Variants in CFAP54 observed in about 807,000 individuals in gnomAD.
The protein encoded by CFAP54 is cilia and flagella associated protein 54, also known as cilia- and flagella-associated protein 54.
Under a neutral mutation model 370.4 loss-of-function variants are expected in CFAP54, and 290 were observed. That is an observed-to-expected ratio of 0.78 (90% CI 0.71 to 0.86). The LOEUF (loss-of-function observed/expected upper bound fraction) is 0.86. Ranked by LOEUF, CFAP54 falls within the 40% of genes least tolerant of loss-of-function variation. The pLI, the probability that CFAP54 is intolerant of heterozygous loss-of-function variation, is 0.00. For synonymous variants in CFAP54, 1,206 were observed against 1,236.5 expected (o/e 0.98, Z 0.52); for missense variants, 3,399 against 3,528.7 (o/e 0.96, Z 0.93).
Position 96,753,825 on chromosome 12 carries a change from T to C in CFAP54, c.7767T>C (p.Asp2589=), listed in dbSNP as rs1186776485. The C allele has an allele frequency of 2.5e-6, 4 of 1,614,066 alleles. No individual in the cohort carries two copies. The East Asian group carries it at 6.7e-5, about 27-fold the overall frequency. ...GGTTACCTGCTCTTCATCTGTTTGATGTGGCACTGAAGCTCTGTAGAACAA... is the reference window on the plus strand; with the variant it reads ...GGTTACCTGCTCTTCATCTGTTTGACGTGGCACTGAAGCTCTGTAGAACAA... ...SKWLPALHLF[D]VALKLCRTTA... The change falls in exon 56 of 68, where the codon GAT becomes GAC. Residue 2589 remains aspartate, a synonymous_variant. Coordinates refer to ENST00000524981, the MANE Select transcript of CFAP54 (RefSeq NM_001306084.2).
rs545447403 is a variant in CFAP54 at position 96,689,242 on chromosome 12, C to T, written c.6081+260C>T. ...GTGGTGTGATCTCAGCTCACTGTGA[C>T]CTCTGCCTCCCGGGTTCAAGCAATT... On this transcript the variant is annotated intron_variant, in intron 43 of 67. Coordinates refer to ENST00000524981, the MANE Select transcript of CFAP54 (RefSeq NM_001306084.2). Among the ~76,000 whole-genome samples, 85 of 152,030 alleles carry T rather than the reference C, an allele frequency of 5.6e-4. 1 individual carries two copies. The highest frequency in any genetic ancestry group is 1.9e-3 in the South Asian group (9 of 4,802).
intron 60 of CFAP54, among the ~76,000 whole-genome samples, chr12:96,768,202 T>C (rs1490082284): frequency 6.6e-6 from 1 of 151,838 alleles, no homozygotes; most frequent in Non-Finnish European, 1.5e-5. Context: ...ACACCTGTAG[T>C]CCCAACTACT....
At chr12:96,730,015 C>T (rs1957902194) in intron 50 of CFAP54, among the ~76,000 whole-genome samples, 1 of 152,062 alleles carries the variant, frequency 6.6e-6, no homozygotes, top group Non-Finnish European at 1.5e-5. Context: ...GAGTAGGAGC[C>T]CGGTCCAGTC....
intron 66 of CFAP54, among the ~76,000 whole-genome samples, chr12:96,853,137 G>T (rs1959597938): frequency 1.3e-5 from 2 of 152,046 alleles, no homozygotes; most frequent in Non-Finnish European, 1.5e-5. Context: ...TGCATCAAAA[G>T]ATATTTTTAT....
At chr12:96,543,554 C>A (rs1370670124) in intron 14 of CFAP54, among the ~76,000 whole-genome samples, 2 of 152,142 alleles carry the variant, frequency 1.3e-5, no homozygotes, top group African/African-American at 4.8e-5. Flanking sequence ...AAGAACTTAA[C>A]CTCACACCTG....
At chr12:96,727,007 G>T (rs1413661852) in intron 50 of CFAP54, among the ~76,000 whole-genome samples, 1 of 152,184 alleles carries the variant, frequency 6.6e-6, no homozygotes, top group Non-Finnish European at 1.5e-5. Flanking sequence ...TCTTAATCCT[G>T]AGTTCTAGTT....
intron 58 of CFAP54, among the ~76,000 whole-genome samples, chr12:96,759,997 A>G (rs1460715466): frequency 6.6e-6 from 1 of 152,216 alleles, no homozygotes; most frequent in Non-Finnish European, 1.5e-5. Context: ...CATGAACTGA[A>G]CACTTACTGA....
chr12:96,752,913 T>G (rs1958205245), intron 55 of CFAP54, among the ~76,000 whole-genome samples: 3 of 152,206 alleles, frequency 2.0e-5, no homozygotes, highest in Admixed American at 6.5e-5. Context: ...TTGGGTGAGT[T>G]GCTGAAACCT....
intron 26 of CFAP54, among the ~76,000 whole-genome samples, chr12:96,607,635 G>A (rs2136451199): frequency 6.6e-6 from 1 of 152,208 alleles, no homozygotes; most frequent in East Asian, 1.9e-4. Context: ...AAATGCAGAA[G>A]GAATAGGCTT....
chr12:96,491,374 T>C (rs1256184715), intron 1 of CFAP54, among the ~76,000 whole-genome samples: 2 of 152,208 alleles, frequency 1.3e-5, no homozygotes, highest in Non-Finnish European at 2.9e-5. Flanking sequence ...TGATTCAGCA[T>C]CCAGGTGGAG....
intron 66 of CFAP54, among the ~76,000 whole-genome samples, chr12:96,833,675 A>C (rs540446351): frequency 6.6e-6 from 1 of 152,126 alleles, no homozygotes; most frequent in African/African-American, 2.4e-5. Flanking sequence ...ATTGCAAAGC[A>C]GTTTTTCTTG....
intron 39 of CFAP54, among the ~76,000 whole-genome samples, chr12:96,671,928 AAG>A (rs376205736): frequency 5.2e-4 from 78 of 149,654 alleles, no homozygotes; most frequent in Non-Finnish European, 5.2e-4. Context: ...TATCTCAAAA[AAG>A]AGAGAGAGAG....
At chr12:96,808,415 G>A (rs1958902372) in intron 63 of CFAP54, among the ~76,000 whole-genome samples, 1 of 152,094 alleles carries the variant, frequency 6.6e-6, no homozygotes, top group Admixed American at 6.6e-5. Context: ...GTGTATTAGA[G>A]GTTCTAATTT....
At position 96,732,479 on chromosome 12, in the gene CFAP54, G is replaced by C. The variant is rs1478949392; in HGVS notation, c.6966-7477G>C. 4.6e-5 allele frequency among the ~76,000 whole-genome samples: 7 copies of C among 152,030 alleles called. No individual in the cohort carries two copies. The East Asian group carries it at 1.4e-3, about 29-fold the overall frequency. ...AAACAAGACATTAAAGAGATTCATG[G>C]CATTCTTCTCATGAATTTTTTTGAA... On this transcript the variant is annotated intron_variant, in intron 50 of 67. Coordinates refer to ENST00000524981, the MANE Select transcript of CFAP54 (RefSeq NM_001306084.2).
At position 96,864,924 on chromosome 12, in the gene CFAP54, C is replaced by T. The variant is rs543460310; in HGVS notation, c.*14+3972C>T. On this transcript the variant is annotated intron_variant, in intron 67 of 67. Transcript: ENST00000524981. ...AATGAAATATACATGTCTTCCAACA[C>T]ATCTTCATCCATAAAAAAGATTTAA... is the stretch of plus-strand genomic sequence containing the variant. Among the ~76,000 whole-genome samples, 112 of 152,210 alleles carry T rather than the reference C, an allele frequency of 7.4e-4. 1 individual carries two copies. Among genetic ancestry groups the T allele is most frequent in the African/African-American group, 2.4e-3 (99 of 41,542 alleles).
chr12:96,596,502 T>C (rs1956180348), intron 25 of CFAP54, among the ~76,000 whole-genome samples: 2 of 152,114 alleles, frequency 1.3e-5, no homozygotes, highest in Non-Finnish European at 2.9e-5. Flanking sequence ...TAAATGATGG[T>C]AAAATGTCTA....
At chr12:96,826,306 A>AGACAATATATATATTGAATATATATAGTC (rs150370190) in intron 65 of CFAP54, among the ~76,000 whole-genome samples, 42,101 of 133,314 alleles carry the variant, frequency 0.32, 7,251 homozygotes, top group South Asian at 0.52. Flanking sequence ...TATATATAGA[A>AGACAATATATATATTGAATATATATAGTC]GACAATATAT....
At chr12:96,874,096 T>G (rs778860574) in intron 67 of CFAP54, among the ~76,000 whole-genome samples, 39 of 152,220 alleles carry the variant, frequency 2.6e-4, no homozygotes, top group Non-Finnish European at 5.0e-4. Flanking sequence ...TCCAGATTCC[T>G]GTAGCCACCT....
chr12:96,720,543 C>CAG lies in CFAP54; in HGVS notation c.6946_6947dup (p.His2317GlyfsTer10). 6.4e-7 allele frequency: 1 copy of CAG among 1,567,906 alleles called. No individual in the cohort carries two copies. Reference sequence around the variant, plus strand: ...GCTTCAGCTGGCTGCAGTTGCTCTGCAGAGGCACCGGGCGGCATACAGGTG... The same window carrying CAG: ...GCTTCAGCTGGCTGCAGTTGCTCTGCAGAGAGGCACCGGGCGGCATACAGGTG... On this transcript the variant is annotated frameshift_variant, in exon 50 of 68. Coordinates refer to ENST00000524981, the MANE Select transcript of CFAP54 (RefSeq NM_001306084.2). LOFTEE classifies it high-confidence loss of function.
Sources: gnomAD v4.1 joint callset for allele counts (sites outside exome capture counted in the v4.1 genomes callset) on GRCh38, gnomAD v4.1.1 for gene constraint, MANE v1.5 for transcripts, NCBI Gene and HGNC (gene_info 2026-07-23, HGNC 2026-07-21) for gene names.